The following TAFA2 variants were observed in gnomAD, a reference collection of about 807,000 sequenced individuals.
TAFA2 encodes chemokine-like protein TAFA-2.
Under a neutral mutation model 18.8 loss-of-function variants are expected in TAFA2, and 7 were observed. The ratio of observed to expected loss-of-function variants is 0.37; its 90% CI spans 0.21 to 0.70. The LOEUF is 0.70. Among genes scored for constraint, TAFA2 ranks in the 30% least tolerant of loss-of-function variants. The probability of loss-of-function intolerance (pLI) is 0.53; values close to 1 mark genes in which losing one functional copy is unlikely to be tolerated. For missense variants in TAFA2, 122 were observed against 158.1 expected, an observed-to-expected ratio of 0.77 and a Z score of 1.23; for synonymous variants, 60 against 54.2, an observed-to-expected ratio of 1.11 and a Z score of -0.47.
At chr12:61,998,664 T>A (rs112916063) in intron 1 of TAFA2, among the ~76,000 whole-genome samples, 11 of 152,330 alleles carry the variant, frequency 7.2e-5, no homozygotes, top group African/African-American at 2.6e-4. Context: ...TTTAAAGCCA[T>A]GAAGTCTGGC....
At chr12:62,110,612 CTTTTT>C (rs68008958) in intron 1 of TAFA2, among the ~76,000 whole-genome samples, 2 of 104,822 alleles carry the variant, frequency 1.9e-5, no homozygotes, top group East Asian at 6.0e-4. Context: ...TGGTCCTGGG[CTTTTT>C]TTTTTTTTTT....
intron 1 of TAFA2, among the ~76,000 whole-genome samples, chr12:61,941,566 C>G (rs1184690841): frequency 6.6e-6 from 1 of 152,180 alleles, no homozygotes; most frequent in Admixed American, 6.5e-5. Flanking sequence ...TAGGGAGTGC[C>G]AGACAGTGGG....
At chr12:61,762,780 A>G (rs1370332661) in intron 2 of TAFA2, among the ~76,000 whole-genome samples, 1 of 151,932 alleles carries the variant, frequency 6.6e-6, no homozygotes, top group Non-Finnish European at 1.5e-5. Context: ...CCTCTACACT[A>G]GATTTCAGTT....
intron 1 of TAFA2, among the ~76,000 whole-genome samples, chr12:61,882,063 A>G (rs1234850353): frequency 1.3e-5 from 2 of 152,186 alleles, no homozygotes; most frequent in East Asian, 1.9e-4. Context: ...AACTGTGCTT[A>G]TAAGAGTGCT....
intron 2 of TAFA2, among the ~76,000 whole-genome samples, chr12:61,777,736 A>G (rs988842499): frequency 1.3e-5 from 2 of 151,902 alleles, no homozygotes; most frequent in African/African-American, 2.4e-5. Flanking sequence ...GAAAAATCAG[A>G]GAAAAATATC....
Position 62,025,428 on chromosome 12 carries a change from TA to T in TAFA2, c.-1-158003del, listed in dbSNP as rs1178500934. Among the ~76,000 whole-genome samples the T allele has an allele frequency of 2.0e-5, 3 of 152,208 alleles. No homozygotes were observed. The East Asian group carries it at 5.8e-4, about 29-fold the overall frequency. On this transcript the variant is annotated intron_variant, in intron 1 of 4. Coordinates refer to ENST00000416284, the MANE Select transcript of TAFA2 (RefSeq NM_178539.5). ...AAATAAATGTTGAAATTTTAAAAATTAAAAAATAAGCAAATAAATGAAACTT... is the reference window on the plus strand; with the variant it reads ...AAATAAATGTTGAAATTTTAAAAATTAAAAATAAGCAAATAAATGAAACTT...
At chr12:62,213,073 C>T (rs1463904489) in intron 1 of TAFA2, among the ~76,000 whole-genome samples, 1 of 152,178 alleles carries the variant, frequency 6.6e-6, no homozygotes, top group African/African-American at 2.4e-5. Context: ...TGAATCAATT[C>T]ATACCCGGGA....
At chr12:61,762,371 AACTCTAAAGCAAGTTT>A (rs202180415) in intron 2 of TAFA2, among the ~76,000 whole-genome samples, 2,748 of 152,100 alleles carry the variant, frequency 0.018, 80 homozygotes, top group African/African-American at 0.064. Flanking sequence ...TATGTGAATA[AACTCTAAAGCAAGTTT>A]ATTCCTTTTC....
At chr12:61,906,388 C>T (rs1055472385) in intron 1 of TAFA2, among the ~76,000 whole-genome samples, 2 of 152,088 alleles carry the variant, frequency 1.3e-5, no homozygotes, top group African/African-American at 4.8e-5. Context: ...AATTCCTCTG[C>T]ATATGCTCTC....
intron 1 of TAFA2, among the ~76,000 whole-genome samples, chr12:62,186,166 T>C (rs1177635794): frequency 6.6e-6 from 1 of 152,118 alleles, no homozygotes; most frequent in African/African-American, 2.4e-5. Flanking sequence ...ATTATTAAAC[T>C]CAACAGAAAG....
rs528001101 is a variant in TAFA2, at chr12:61,879,493, G to A, written c.-1-12067C>T. ...GGGTGGAGGCTTTGGCGGGGCCAGC[G>A]GTATTGGAGGGATCACTGCTGTCAT... is the stretch of plus-strand genomic sequence containing the variant. On this transcript the variant is annotated intron_variant, in intron 1 of 4. Coordinates refer to ENST00000416284, the MANE Select transcript of TAFA2 (RefSeq NM_178539.5). 7.2e-5 allele frequency: 50 copies of A among 690,452 alleles called. No homozygotes were observed. In the Admixed American group the frequency reaches 8.3e-4, roughly 11 times the overall value. The allele number at this position is 690,452 out of a possible 1,614,324, so 42.8% of individuals were successfully genotyped here.
intron 1 of TAFA2, among the ~76,000 whole-genome samples, chr12:62,152,604 A>G (rs1287212960): frequency 6.6e-6 from 1 of 152,178 alleles, no homozygotes; most frequent in Non-Finnish European, 1.5e-5. Flanking sequence ...GTGTTATGCT[A>G]TTCCAAAATT....
At chr12:61,889,295 G>T (rs550261888) in intron 1 of TAFA2, among the ~76,000 whole-genome samples, 4 of 152,230 alleles carry the variant, frequency 2.6e-5, no homozygotes, top group African/African-American at 7.2e-5. Context: ...TTGCAGTCAA[G>T]ATTCTAAAGG....
At chr12:61,889,251 A>G (rs528359853) in intron 1 of TAFA2, among the ~76,000 whole-genome samples, 5 of 152,318 alleles carry the variant, frequency 3.3e-5, no homozygotes, top group Non-Finnish European at 5.9e-5. Flanking sequence ...ATTATTTTTT[A>G]TGGATATCTA....
chr12:62,078,775 A>C (rs1229319066), intron 1 of TAFA2, among the ~76,000 whole-genome samples: 1 of 152,180 alleles, frequency 6.6e-6, no homozygotes, highest in African/African-American at 2.4e-5. Flanking sequence ...TGCCTGAGAA[A>C]AATTTCTTTT....
Position 61,943,655 on chromosome 12 carries a change from G to A in TAFA2, c.-1-76229C>T, listed in dbSNP as rs138869241. On this transcript the variant is annotated intron_variant, in intron 1 of 4. Transcript: ENST00000416284. Reference sequence around the variant, plus strand: ...CAAAAAAAGGCAGGGATTGCAATCCGAGTCTCTGATAAAACAGACTTTAAA... The same window carrying A: ...CAAAAAAAGGCAGGGATTGCAATCCAAGTCTCTGATAAAACAGACTTTAAA... Among the ~76,000 whole-genome samples, 1,283 of 152,206 alleles carry A rather than the reference G, an allele frequency of 8.4e-3. 20 individuals are homozygous for A. The highest frequency in any genetic ancestry group is 0.03 in the African/African-American group (1,237 of 41,532).
intron 4 of TAFA2, among the ~76,000 whole-genome samples, chr12:61,738,437 A>T (rs1299702737): frequency 2.0e-5 from 3 of 151,972 alleles, no homozygotes; most frequent in African/African-American, 7.2e-5. Flanking sequence ...GAATTATACC[A>T]CTGGACATAG....
chr12:61,828,578 AG>A (rs1565648202), intron 2 of TAFA2, among the ~76,000 whole-genome samples: 1 of 151,888 alleles, frequency 6.6e-6, no homozygotes, highest in African/African-American at 2.4e-5. Context: ...AAGTGTACAC[AG>A]TAATACACTT....
At chr12:61,849,619 CACTT>C (rs1873558769) in intron 2 of TAFA2, among the ~76,000 whole-genome samples, 1 of 152,116 alleles carries the variant, frequency 6.6e-6, no homozygotes, top group Admixed American at 6.5e-5. Context: ...CTACAGGAGA[CACTT>C]AAATTATTTT....
Sources: allele counts gnomAD v4.1 joint callset (sites outside exome capture counted in the v4.1 genomes callset), GRCh38; gene constraint gnomAD v4.1.1; transcripts MANE v1.5; gene names NCBI Gene and HGNC (gene_info 2026-07-23, HGNC 2026-07-21).